Variants in ST7 observed in about 807,000 individuals in gnomAD.
ST7 encodes the protein suppressor of tumorigenicity 7 protein.
A neutral mutation model predicts 78.7 loss-of-function variants in ST7; 28 were observed. The observed-to-expected ratio is 0.36, with a 90% CI of 0.26 to 0.49. The LOEUF (loss-of-function observed/expected upper bound fraction) is 0.49, where lower values mean the gene tolerates loss of function less well. ST7 is among the 20% of genes least tolerant of loss of function. The probability of loss-of-function intolerance (pLI) is 0.99; values close to 1 mark genes in which losing one functional copy is unlikely to be tolerated. For missense variants in ST7, 418 were observed against 696.0 expected (o/e 0.60, Z 4.49); for synonymous variants, 247 against 249.6 (o/e 0.99, Z 0.10).
chr7:117,174,860 G>A (rs1808241847), intron 10 of ST7, among the ~76,000 whole-genome samples: 1 of 152,162 alleles, frequency 6.6e-6, no homozygotes, highest in Non-Finnish European at 1.5e-5. Flanking sequence ...TTAGAAAACT[G>A]CAGAGCTGGG....
chr7:116,980,229 A>G (rs934326932), intron 1 of ST7, among the ~76,000 whole-genome samples: 13 of 151,986 alleles, frequency 8.6e-5, no homozygotes, highest in Admixed American at 2.6e-4. Context: ...AAGTGCTGGG[A>G]TTATAGCCAT....
rs1797535161 is a variant in ST7, at chr7:117,047,182, G to GGTTCATCCTTCA, written c.152-52578_152-52567dup. Among the ~76,000 whole-genome samples the GGTTCATCCTTCA allele has an allele frequency of 2.0e-5, 3 of 152,074 alleles. No individual in the cohort carries two copies. The South Asian group carries it at 6.2e-4, about 32-fold the overall frequency. On this transcript the variant is annotated intron_variant, in intron 1 of 15. Transcript: ENST00000323984. ...GCCCATGGTTTTTGATGTTCTTATG[G>GGTTCATCCTTCA]GTTCATCCTTCAGAGTGATTCCTAC...
intron 1 of ST7, among the ~76,000 whole-genome samples, chr7:117,053,790 G>C (rs1797915247): frequency 6.6e-6 from 1 of 152,134 alleles, no homozygotes; most frequent in Non-Finnish European, 1.5e-5. Context: ...TATGGTGTGG[G>C]AGAGTGATGT....
At chr7:117,129,005 T>C (rs535490894) in intron 3 of ST7, among the ~76,000 whole-genome samples, 1 of 152,026 alleles carries the variant, frequency 6.6e-6, no homozygotes, top group South Asian at 2.1e-4. Context: ...TAGACTGTTT[T>C]AAAAGAATTG....
chr7:116,998,933 G>A (rs533081870), intron 1 of ST7, among the ~76,000 whole-genome samples: 3 of 152,316 alleles, frequency 2.0e-5, no homozygotes, highest in Admixed American at 6.5e-5. Flanking sequence ...GAATGTTTCA[G>A]GCAGAAGGAA....
chr7:117,161,595 T>C (rs796652105), intron 9 of ST7, among the ~76,000 whole-genome samples: 169 of 143,866 alleles, frequency 1.2e-3, no homozygotes, highest in African/African-American at 3.9e-3. Flanking sequence ...TTCTTTCTTT[T>C]TTTTTTTTTT....
chr7:117,209,936 CAGTA>C lies in ST7; in HGVS notation c.1405+5_1405+8del. Reference sequence around the variant, plus strand: ...ATCTTTTGCATTGTACGTGGGAAGGCAGTAAGTAATTTTCTTTTTTTGAAACATT... The same window carrying C: ...ATCTTTTGCATTGTACGTGGGAAGGCAGTAATTTTCTTTTTTTGAAACATT... On this transcript the variant is annotated splice_donor_variant and splice_donor_region_variant and coding_sequence_variant and intron_variant, in exon 13 of 16. Transcript: ENST00000323984. LOFTEE classifies it high-confidence loss of function. 1 of 1,601,616 alleles carries C rather than the reference CAGTA, an allele frequency of 6.2e-7. No homozygotes were observed. The highest frequency in any genetic ancestry group is 1.1e-5 in the South Asian group (1 of 88,814).
intron 1 of ST7, among the ~76,000 whole-genome samples, chr7:116,978,309 A>G (rs563826960): frequency 1.3e-4 from 20 of 152,192 alleles, no homozygotes; most frequent in Non-Finnish European, 2.5e-4. Context: ...TCCTTTTCCC[A>G]GGAGGCACCA....
In ST7 at chr7:116,977,647, G is replaced by A. The variant is rs183429115; in HGVS notation, c.151+23956G>A. On this transcript the variant is annotated intron_variant, in intron 1 of 15. Transcript: ENST00000323984. ...GCTCATTGCACCCTCTGCCTCCCAGGTTCAAGCAATTCTCCTGCCTCAGCC... is the reference window on the plus strand; with the variant it reads ...GCTCATTGCACCCTCTGCCTCCCAGATTCAAGCAATTCTCCTGCCTCAGCC... Among the ~76,000 whole-genome samples, 32 of 152,312 alleles carry A rather than the reference G, an allele frequency of 2.1e-4. No homozygotes were observed. The East Asian group carries it at 6.2e-3, about 29-fold the overall frequency.
intron 1 of ST7, among the ~76,000 whole-genome samples, chr7:116,955,848 A>G (rs1041553529): frequency 6.6e-6 from 1 of 152,200 alleles, no homozygotes; most frequent in Non-Finnish European, 1.5e-5. Flanking sequence ...GTGTAGGGGC[A>G]GTTCTAAGAG....
chr7:117,229,928 C>T lies in ST7; in HGVS notation c.*71C>T, dbSNP rs558617541. 128 of 1,276,146 alleles carry T rather than the reference C, an allele frequency of 1.0e-4. No individual in the cohort carries two copies. In the African/African-American group the frequency reaches 1.4e-3, roughly 14 times the overall value. 79.1% of individuals were successfully genotyped at this position (1,276,146 alleles called of 1,614,324 possible). A position where few individuals can be genotyped will look rare whatever the true frequency, so the allele number is the denominator to read the frequency against. On this transcript the variant is annotated 3_prime_UTR_variant, in exon 16 of 16. Transcript: ENST00000323984. ...TCCTCTGTGCCAACTCCTTGTGGAC[C>T]GCAAGAAAGCATGACTTTGAAAAAG...
chr7:117,081,695 A>C (rs891395460), intron 1 of ST7, among the ~76,000 whole-genome samples: 14 of 152,212 alleles, frequency 9.2e-5, no homozygotes, highest in Non-Finnish European at 2.1e-4. Flanking sequence ...TATAATAGTG[A>C]CTGTACAGTA....
chr7:117,022,440 A>G (rs1310552623), intron 1 of ST7, among the ~76,000 whole-genome samples: 3 of 152,178 alleles, frequency 2.0e-5, no homozygotes, highest in Non-Finnish European at 2.9e-5. Flanking sequence ...AAGTATAATA[A>G]TAATAATAAA....
chr7:117,199,329 C>A (rs895063450), intron 12 of ST7, among the ~76,000 whole-genome samples: 8 of 152,144 alleles, frequency 5.3e-5, no homozygotes, highest in African/African-American at 1.7e-4. Context: ...CTCCTTCCTC[C>A]CTGCCCCTGC....
intron 9 of ST7, among the ~76,000 whole-genome samples, chr7:117,160,334 T>C (rs2117207635): frequency 6.6e-6 from 1 of 152,226 alleles, no homozygotes; most frequent in African/African-American, 2.4e-5. Context: ...ACATTATTTA[T>C]GGATAATGAC....
intron 1 of ST7, among the ~76,000 whole-genome samples, chr7:116,982,230 G>C (rs1793992082): frequency 6.6e-6 from 1 of 151,996 alleles, no homozygotes; most frequent in African/African-American, 2.4e-5. Flanking sequence ...GTTTTGTTTT[G>C]TTTTGTTTTT....
intron 2 of ST7, among the ~76,000 whole-genome samples, chr7:117,106,670 G>A (rs553548829): frequency 6.8e-6 from 1 of 147,070 alleles, no homozygotes; most frequent in East Asian, 2.0e-4. Context: ...GCCCAGGCTG[G>A]AGTGCAGTGG....
intron 2 of ST7, among the ~76,000 whole-genome samples, chr7:117,110,442 G>T (rs1043617721): frequency 3.3e-5 from 5 of 152,154 alleles, no homozygotes; most frequent in Non-Finnish European, 5.9e-5. Flanking sequence ...GTACAACAGG[G>T]TCATTGCTAA....
chr7:117,221,889 A>C (rs1793120634), intron 14 of ST7, 34 bp from the exon 15 acceptor site: 1 of 1,584,850 alleles, frequency 6.3e-7, no homozygotes, highest in Admixed American at 1.8e-5. Flanking sequence ...AGTTTACTCC[A>C]GCCCTGATAT....
Sources: gnomAD v4.1 joint callset for allele counts (sites outside exome capture counted in the v4.1 genomes callset) on GRCh38, gnomAD v4.1.1 for gene constraint, MANE v1.5 for transcripts, NCBI Gene and HGNC (gene_info 2026-07-23, HGNC 2026-07-21) for gene names.